The following LAMP1 variants were observed in gnomAD, a reference collection of about 807,000 sequenced individuals.
LAMP1 encodes the protein lysosome associated membrane protein 1, also known as lysosome-associated membrane glycoprotein 1.
Under a neutral mutation model 37.5 loss-of-function variants are expected in LAMP1, and 7 were observed. The ratio of observed to expected loss-of-function variants is 0.19; its 90% CI spans 0.11 to 0.35. The LOEUF (loss-of-function observed/expected upper bound fraction) is 0.35. LAMP1 is among the 10% of genes least tolerant of loss of function. LAMP1 has a pLI of 1.00. For missense variants in LAMP1, 537 were observed against 552.8 expected (o/e 0.97, Z 0.29); for synonymous variants, 236 against 229.1 (o/e 1.03, Z -0.27).
chr13:113,318,043 G>A (rs2042676231), intron 4 of LAMP1, among the ~76,000 whole-genome samples: 1 of 152,250 alleles, frequency 6.6e-6, no homozygotes, highest in African/African-American at 2.4e-5. Context: ...CAAGGGCAGT[G>A]AGCAAGGGTC....
At chr13:113,304,354 C>G (rs113043221) in intron 1 of LAMP1, among the ~76,000 whole-genome samples, 1 of 152,254 alleles carries the variant, frequency 6.6e-6, no homozygotes, top group African/African-American at 2.4e-5. Context: ...TGTTAAGTCT[C>G]TGGCGTCTGC....
At chr13:113,313,923 G>T (rs1595461321) in intron 4 of LAMP1, among the ~76,000 whole-genome samples, 1 of 118,062 alleles carries the variant, frequency 8.5e-6, no homozygotes, top group Admixed American at 7.8e-5. Context: ...TGTGCCTGGG[G>T]CGTGGCCTCC....
rs1023173030 is a variant in LAMP1 at position 113,321,042 on chromosome 13, G to A, written c.877-362G>A. ...AAATAATAAAACGAGTTAGCTGGGC[G>A]TAGTGGCGCACACCTGTGGTCCCAG... On this transcript the variant is annotated intron_variant, in intron 6 of 8. Transcript: ENST00000332556. This position sits in a 1 kb window ranked among gnomAD's most constrained non-coding sequence, Gnocchi z 5.6. The A allele has an allele frequency of 4.6e-5, 14 of 304,758 alleles. No individual in the cohort carries two copies. Among genetic ancestry groups the A allele is most frequent in the Admixed American group, 2.4e-4 (5 of 21,130 alleles). 18.9% of individuals were successfully genotyped at this position (304,758 alleles called of 1,614,324 possible).
Position 113,320,570 on chromosome 13 carries a change from G to C in LAMP1, c.876+100G>C. The stretch of plus-strand genomic sequence containing the variant: ...CATGGGAGGCAGCGTTAGGAAGGAG[G>C]CGGCCTCACTTTTTTCTGCCTTCCC... On this transcript the variant is annotated intron_variant, in intron 6 of 8. Coordinates refer to ENST00000332556, the MANE Select transcript of LAMP1 (RefSeq NM_005561.4). The surrounding 1 kb of genome is among the most constrained non-coding windows in gnomAD (Gnocchi z 4.4). 2.2e-6 allele frequency: 3 copies of C among 1,344,822 alleles called. No homozygotes were observed. The highest frequency in any genetic ancestry group is 3.0e-6 in the Non-Finnish European group (3 of 990,776). 83.3% of individuals were successfully genotyped at this position (1,344,822 alleles called of 1,614,324 possible).
At chr13:113,322,181 C>T (rs180727100) in intron 8 of LAMP1, 101 bp from the exon 9 acceptor site, 6 of 1,355,382 alleles carry the variant, frequency 4.4e-6, no homozygotes, top group Admixed American at 4.5e-5. Flanking sequence ...GCCAGGGTTC[C>T]TCTTTGCCTT....
In LAMP1 at chr13:113,321,833, C is replaced by A; in HGVS notation, c.1114+106C>A. ...TGTGGGCTGGGGCGACGCCCCTGTT[C>A]CTCTGCAAGGAGCTGTTTCTTCTTG... On this transcript the variant is annotated intron_variant, in intron 8 of 8. Transcript: ENST00000332556. The surrounding 1 kb of genome is among the most constrained non-coding windows in gnomAD (Gnocchi z 5.6). The A allele has an allele frequency of 1.8e-6, 2 of 1,130,426 alleles. No homozygotes were observed. The highest frequency in any genetic ancestry group is 1.4e-5 in the South Asian group (1 of 69,958). 70.0% of individuals were successfully genotyped at this position (1,130,426 alleles called of 1,614,324 possible).
chr13:113,308,355 A>G (rs1439480556), intron 2 of LAMP1, among the ~76,000 whole-genome samples: 4 of 83,190 alleles, frequency 4.8e-5, no homozygotes, highest in African/African-American at 1.8e-4. Flanking sequence ...TTTTTGAGGC[A>G]GAGTTTTGCT....
chr13:113,307,685 TC>T (rs1453924384), intron 2 of LAMP1, among the ~76,000 whole-genome samples: 4 of 152,004 alleles, frequency 2.6e-5, no homozygotes, highest in African/African-American at 9.7e-5. Context: ...ATTAAAATGT[TC>T]CTTAGTGGTT....
intron 4 of LAMP1, among the ~76,000 whole-genome samples, chr13:113,318,167 G>A (rs1056696532): frequency 1.4e-4 from 22 of 152,230 alleles, no homozygotes; most frequent in African/African-American, 5.3e-4. Context: ...GTCCAGAAGG[G>A]GCTTTTACAC....
At chr13:113,319,767 T>A in intron 5 of LAMP1, 111 bp downstream of exon 5, 1 of 1,065,156 alleles carries the variant, frequency 9.4e-7, no homozygotes. Context: ...TAAGTCAGGA[T>A]GGGAGCTTAG....
Position 113,319,472 on chromosome 13 carries a change from C to T in LAMP1, c.566C>T (p.Thr189Ile). 1 of 1,606,794 alleles carries T rather than the reference C, an allele frequency of 6.2e-7. No homozygotes were observed. The highest frequency in any genetic ancestry group is 1.1e-5 in the South Asian group (1 of 90,340). ...TCTCCCTCCACTGCACCTGCAGAGA[C>T]ACGCTGTGAACAAGACAGGCCTTCC... is the stretch of plus-strand genomic sequence containing the variant. ...LSNSSFSRGE[T>I]RCEQDRPSPT... Residue 189 changes from threonine (T) to isoleucine (I), a missense_variant, in exon 5 of 9, where the codon ACA (threonine) becomes ATA (isoleucine). Transcript: ENST00000332556.
rs926663672 is a variant in LAMP1 at position 113,311,952 on chromosome 13, C to T, written c.562+1085C>T. 7.9e-5 allele frequency among the ~76,000 whole-genome samples: 12 copies of T among 152,134 alleles called. No individual in the cohort carries two copies. In the East Asian group the frequency reaches 1.2e-3, roughly 15 times the overall value. On this transcript the variant is annotated intron_variant, in intron 4 of 8. Transcript: ENST00000332556. The stretch of plus-strand genomic sequence containing the variant: ...TGATTTGCCTTAGGGTGAGCTTTCC[C>T]GGCTGATAGAAATATGTATGGAGAC...
Position 113,321,800 on chromosome 13 carries a change from C to G in LAMP1, c.1114+73C>G. 2.0e-6 allele frequency: 3 copies of G among 1,477,324 alleles called. No individual in the cohort carries two copies. The highest frequency in any genetic ancestry group is 2.8e-5 in the African/African-American group (2 of 72,484). 91.5% of individuals were successfully genotyped at this position (1,477,324 alleles called of 1,614,324 possible). A position where few individuals can be genotyped will look rare whatever the true frequency, so the allele number is the denominator to read the frequency against. ...CAGACTCCGCCTGTGGACGTTTAGTCGCTTCCGTGTGGGCTGGGGCGACGC... is the reference window on the plus strand; with the variant it reads ...CAGACTCCGCCTGTGGACGTTTAGTGGCTTCCGTGTGGGCTGGGGCGACGC... On this transcript the variant is annotated intron_variant, in intron 8 of 8. Transcript: ENST00000332556. This position sits in a 1 kb window ranked among gnomAD's most constrained non-coding sequence, Gnocchi z 5.6.
chr13:113,313,376 G>A (rs193288296), intron 4 of LAMP1, among the ~76,000 whole-genome samples: 121 of 152,330 alleles, frequency 7.9e-4, no homozygotes, highest in South Asian at 5.6e-3. Context: ...ATTCTCTGCC[G>A]CTGCGCATGT....
chr13:113,318,862 GTGGGGT>G (rs1459257334), intron 4 of LAMP1, among the ~76,000 whole-genome samples: 3 of 152,100 alleles, frequency 2.0e-5, no homozygotes, highest in African/African-American at 7.2e-5. Flanking sequence ...CTGCTCACAC[GTGGGGT>G]CCTCATGGAG....
Position 113,297,383 on chromosome 13 carries a change from C to G in LAMP1, c.-52C>G, listed in dbSNP as rs188339460. 28 of 469,930 alleles carry G rather than the reference C, an allele frequency of 6.0e-5. No homozygotes were observed. Among genetic ancestry groups the G allele is most frequent in the Non-Finnish European group, 8.7e-5 (28 of 320,136 alleles). 29.1% of individuals were successfully genotyped at this position (469,930 alleles called of 1,614,324 possible). On this transcript the variant is annotated 5_prime_UTR_variant, in exon 1 of 9. Coordinates refer to ENST00000332556, the MANE Select transcript of LAMP1 (RefSeq NM_005561.4). This position sits in a 1 kb window ranked among gnomAD's most constrained non-coding sequence, Gnocchi z 4.4. Reference sequence around the variant, plus strand: ...CCGCAGCGCCCGGCAGTCCGCGGCCCAACCGCCGCCCGCGCCCCCGCTCCC... The same window carrying G: ...CCGCAGCGCCCGGCAGTCCGCGGCCGAACCGCCGCCCGCGCCCCCGCTCCC...
chr13:113,322,376 C>CATT lies in LAMP1; in HGVS notation c.1209_1210insATT (p.Tyr403_Leu404insIle). ...TGGTCCTCATCGTCCTCATCGCCTACCTCGTCGGCAGGAAGAGGAGTCACG... is the reference window on the plus strand; with the variant it reads ...TGGTCCTCATCGTCCTCATCGCCTACATTCTCGTCGGCAGGAAGAGGAGTCACG... On this transcript the variant is annotated inframe_insertion, in exon 9 of 9. Transcript: ENST00000332556. 1.9e-6 allele frequency: 3 copies of CATT among 1,604,136 alleles called. No individual in the cohort carries two copies. The highest frequency in any genetic ancestry group is 1.7e-5 in the Admixed American group (1 of 58,826).
rs1158608278 is a variant in LAMP1 at position 113,315,382 on chromosome 13, C to CTTTT, written c.563-4065_563-4062dup. Among the ~76,000 whole-genome samples the CTTTT allele has an allele frequency of 1.8e-3, 110 of 60,418 alleles. 3 individuals are homozygous for CTTTT. Among genetic ancestry groups the CTTTT allele is most frequent in the East Asian group, 3.0e-3 (5 of 1,648 alleles). 39.6% of individuals were successfully genotyped at this position (60,418 alleles called of 152,430 possible). ...CACCAGAAAGCCTCATGTATCTTGT[C>CTTTT]TTTTTTTTTTTTTTTTTTTTTTTTT... is the stretch of plus-strand genomic sequence containing the variant. On this transcript the variant is annotated intron_variant, in intron 4 of 8. Transcript: ENST00000332556.
chr13:113,318,437 G>T (rs2042678424), intron 4 of LAMP1, among the ~76,000 whole-genome samples: 1 of 152,130 alleles, frequency 6.6e-6, no homozygotes, highest in Non-Finnish European at 1.5e-5. Flanking sequence ...GATCGAATTG[G>T]GTGGAAATTA....
Sources: allele counts gnomAD v4.1 joint callset (sites outside exome capture counted in the v4.1 genomes callset), GRCh38; gene constraint gnomAD v4.1.1; non-coding constraint Gnocchi (gnomAD v3.1); transcripts MANE v1.5; gene names NCBI Gene and HGNC (gene_info 2026-07-23, HGNC 2026-07-21).